The following NRG1 variants were observed in gnomAD, a reference collection of about 807,000 sequenced individuals.
NRG1 encodes the protein neuregulin 1.
Under a neutral mutation model 63.8 loss-of-function variants are expected in NRG1, and 18 were observed. That is an observed-to-expected ratio of 0.28 (90% CI 0.19 to 0.42). The LOEUF is 0.42. Ranked by LOEUF, NRG1 falls within the 10% of genes least tolerant of loss-of-function variation. The pLI, the probability that NRG1 is intolerant of heterozygous loss-of-function variation, is 1.00. For missense variants in NRG1, 762 were observed against 814.7 expected (o/e 0.94, Z 0.79); for synonymous variants, 302 against 301.3 (o/e 1.00, Z -0.02).
intron 1 of NRG1, chr8:32,030,372 C>T (rs559015723): frequency 6.6e-6 from 1 of 152,154 alleles, no homozygotes; most frequent in East Asian, 1.9e-4. Flanking sequence ...TCTGCTCTTC[C>T]TAGGCTAAGA....
chr8:31,692,608 T>G (rs1398517587), intron 1 of NRG1, among the ~76,000 whole-genome samples: 2 of 152,310 alleles, frequency 1.3e-5, no homozygotes, highest in South Asian at 2.1e-4. Context: ...TAAACTTGCA[T>G]TTTGACAGGA....
intron 1 of NRG1, among the ~76,000 whole-genome samples, chr8:32,181,279 C>T (rs1190649321): frequency 6.6e-6 from 1 of 152,120 alleles, no homozygotes; most frequent in African/African-American, 2.4e-5. Flanking sequence ...CCCATCTCTT[C>T]CATAGAACTT....
chr8:32,374,734 GA>G (rs200471701), intron 1 of NRG1, among the ~76,000 whole-genome samples: 10,430 of 152,190 alleles, frequency 0.069, 395 homozygotes, highest in Middle Eastern at 0.1. Flanking sequence ...TTGGAGACTA[GA>G]AATTATGTTT....
chr8:31,961,195 C>T (rs539378717), intron 1 of NRG1, among the ~76,000 whole-genome samples: 4 of 152,252 alleles, frequency 2.6e-5, no homozygotes, highest in Admixed American at 1.3e-4. Context: ...CACTGTAAAT[C>T]GATGCCGATA....
chr8:32,577,305 G>T (rs1453387347), intron 1 of NRG1, among the ~76,000 whole-genome samples: 1 of 152,206 alleles, frequency 6.6e-6, no homozygotes, highest in South Asian at 2.1e-4. Flanking sequence ...TCTTTCAATG[G>T]GTTCCATGAA....
intron 1 of NRG1, among the ~76,000 whole-genome samples, chr8:31,856,423 C>T (rs1012903935): frequency 6.6e-6 from 1 of 152,214 alleles, no homozygotes; most frequent in Non-Finnish European, 1.5e-5. Context: ...GAGGCTTCTG[C>T]ATTCTTCACG....
At chr8:32,106,491 G>C (rs948441252) in intron 1 of NRG1, among the ~76,000 whole-genome samples, 1 of 152,160 alleles carries the variant, frequency 6.6e-6, no homozygotes, top group African/African-American at 2.4e-5. Context: ...GGCATTTCTG[G>C]ACTCACACTG....
At chr8:32,537,195 CAAAAAAAAAAA>C (rs71208193) in intron 1 of NRG1, among the ~76,000 whole-genome samples, 1 of 43,814 alleles carries the variant, frequency 2.3e-5, no homozygotes, top group East Asian at 7.3e-4. Context: ...GACTCCATCT[CAAAAAAAAAAA>C]AAAAAAAAAA....
intron 1 of NRG1, among the ~76,000 whole-genome samples, chr8:31,999,622 G>A (rs1373197794): frequency 1.3e-5 from 2 of 151,972 alleles, no homozygotes; most frequent in African/African-American, 4.8e-5. Context: ...TTTCTTCAAA[G>A]AAATCTGCTT....
At chr8:32,081,308 A>G (rs1827429991) in intron 1 of NRG1, among the ~76,000 whole-genome samples, 1 of 152,184 alleles carries the variant, frequency 6.6e-6, no homozygotes, top group African/African-American at 2.4e-5. Context: ...TTGAGGAGAT[A>G]CAGTGTAGTC....
chr8:32,719,557 C>G (rs1465142870), intron 5 of NRG1, among the ~76,000 whole-genome samples: 1 of 151,844 alleles, frequency 6.6e-6, no homozygotes. Context: ...AATGATAACC[C>G]CTTAATATTA....
chr8:32,360,257 C>A (rs771713832), intron 1 of NRG1, among the ~76,000 whole-genome samples: 1 of 152,214 alleles, frequency 6.6e-6, no homozygotes, highest in South Asian at 2.1e-4. Flanking sequence ...AATTCAAAGA[C>A]GTTTTCTGAA....
intron 1 of NRG1, among the ~76,000 whole-genome samples, chr8:32,188,758 C>T (rs922838639): frequency 6.6e-6 from 1 of 151,482 alleles, no homozygotes; most frequent in Non-Finnish European, 1.5e-5. Flanking sequence ...GGGACTTGAA[C>T]AATGAGAACA....
At chr8:31,892,533 G>T (rs1193896592) in intron 1 of NRG1, among the ~76,000 whole-genome samples, 1 of 152,082 alleles carries the variant, frequency 6.6e-6, no homozygotes, top group Non-Finnish European at 1.5e-5. Context: ...ACAAGGCAGT[G>T]CTCTGGTAAA....
At chr8:31,737,839 C>T (rs1331022540) in intron 1 of NRG1, among the ~76,000 whole-genome samples, 1 of 152,072 alleles carries the variant, frequency 6.6e-6, no homozygotes, top group Admixed American at 6.6e-5. Context: ...GAAAACATTG[C>T]TCGCTGGCCT....
chr8:32,749,734 C>A, intron 7 of NRG1: 1 of 729,654 alleles, frequency 1.4e-6, no homozygotes, highest in Non-Finnish European at 2.3e-6. Context: ...ATTTCTCTGC[C>A]TTCAATCTAT....
At chr8:31,776,587 G>A (rs572759706) in intron 1 of NRG1, among the ~76,000 whole-genome samples, 1 of 151,994 alleles carries the variant, frequency 6.6e-6, no homozygotes, top group African/African-American at 2.4e-5. Flanking sequence ...TGTGCACAAC[G>A]AGCAGGTTTG....
chr8:31,983,076 G>A (rs1409576582), intron 1 of NRG1, among the ~76,000 whole-genome samples: 1 of 152,080 alleles, frequency 6.6e-6, no homozygotes, highest in Admixed American at 6.6e-5. Context: ...ACCTTTTTAA[G>A]CCTAAAATGG....
chr8:31,654,032 C>A (rs1351995917), intron 1 of NRG1, among the ~76,000 whole-genome samples: 1 of 151,426 alleles, frequency 6.6e-6, no homozygotes, highest in Non-Finnish European at 1.5e-5. Flanking sequence ...TTAGGTTAAA[C>A]CTGCCTGGTG....
Sources: gnomAD v4.1 joint callset for allele counts (sites outside exome capture counted in the v4.1 genomes callset) on GRCh38, gnomAD v4.1.1 for gene constraint, MANE v1.5 for transcripts, NCBI Gene and HGNC (gene_info 2026-07-23, HGNC 2026-07-21) for gene names.